FLVCR1: variants seen among roughly 807,000 people sequenced by gnomAD.
FLVCR1 encodes choline/ethanolamine transporter FLVCR1.
FLVCR1 carries 34 observed loss-of-function variants against 53.6 expected under a neutral mutation model. The ratio of observed to expected loss-of-function variants is 0.63; its 90% CI spans 0.48 to 0.84. The LOEUF is 0.84. FLVCR1 is among the 40% of genes least tolerant of loss of function. The pLI is 0.00. For synonymous variants in FLVCR1, 300 were observed against 286.3 expected (o/e 1.05, Z -0.48); for missense variants, 677 against 696.7 (o/e 0.97, Z 0.32).
intron 1 of FLVCR1, among the ~76,000 whole-genome samples, chr1:212,860,072 C>T (rs2102529511): frequency 6.6e-6 from 1 of 152,220 alleles, no homozygotes. Flanking sequence ...CACTTGAGGC[C>T]AGGAGTCTGA....
At chr1:212,865,615 T>C (rs1428717697) in intron 2 of FLVCR1, among the ~76,000 whole-genome samples, 3 of 150,908 alleles carry the variant, frequency 2.0e-5, no homozygotes, top group Non-Finnish European at 4.4e-5. Flanking sequence ...CCCGAGCAGC[T>C]GGGCTTACAG....
Position 212,862,946 on chromosome 1 carries a change from G to T in FLVCR1, c.739-779G>T, listed in dbSNP as rs1327677988. Among the ~76,000 whole-genome samples the T allele has an allele frequency of 2.6e-5, 4 of 152,150 alleles. No homozygotes were observed. In the East Asian group the frequency reaches 5.8e-4, roughly 22 times the overall value. On this transcript the variant is annotated intron_variant, in intron 1 of 9. Transcript: ENST00000366971. Reference sequence around the variant, plus strand: ...GTTTTCAAATGCTTATTGACCATTTGTATATCTTCTTTGGAGAAATGTCTA... The same window carrying T: ...GTTTTCAAATGCTTATTGACCATTTTTATATCTTCTTTGGAGAAATGTCTA...
chr1:212,860,749 A>T (rs1218194485), intron 1 of FLVCR1, among the ~76,000 whole-genome samples: 2 of 152,188 alleles, frequency 1.3e-5, no homozygotes, highest in South Asian at 4.1e-4. Flanking sequence ...ACACAGCTGT[A>T]TCACCAGCAT....
intron 2 of FLVCR1, among the ~76,000 whole-genome samples, chr1:212,864,973 A>G (rs1352838917): frequency 6.6e-6 from 1 of 152,300 alleles, no homozygotes; most frequent in East Asian, 1.9e-4. Flanking sequence ...GAAGTATTCA[A>G]ACATGTGTAA....
chr1:212,899,204 AAT>A lies in FLVCR1; in HGVS notation c.*3917_*3918del, dbSNP rs1665412877. The A allele has an allele frequency of 1.3e-5, 2 of 152,236 alleles. No individual in the cohort carries two copies. Among genetic ancestry groups the A allele is most frequent in the African/African-American group, 2.4e-5 (1 of 41,470 alleles). 9.4% of individuals were successfully genotyped at this position (152,236 alleles called of 1,614,324 possible). A position where few individuals can be genotyped will look rare whatever the true frequency, so the allele number is the denominator to read the frequency against. ...GAATGTTGGAGAGATGTCTTTAAAA[AAT>A]ATGTTTGTGTGTAAAAATGTGTCTG... On this transcript the variant is annotated 3_prime_UTR_variant, in exon 10 of 10. Coordinates refer to ENST00000366971, the MANE Select transcript of FLVCR1 (RefSeq NM_014053.4).
intron 3 of FLVCR1, 122 bp downstream of exon 3, chr1:212,872,940 T>C: frequency 1.1e-6 from 1 of 945,394 alleles, no homozygotes; most frequent in South Asian, 1.5e-5. Flanking sequence ...TACAGCATAA[T>C]CATGAACTTA....
chr1:212,883,736 A>G (rs11803450), intron 4 of FLVCR1, among the ~76,000 whole-genome samples: 66,780 of 152,070 alleles, frequency 0.44, 15,726 homozygotes, highest in East Asian at 0.54. Context: ...TGAAGAAAGC[A>G]GAAACAAGGA....
chr1:212,885,232 T>G, intron 4 of FLVCR1, 61 bp from the exon 5 acceptor site: 1 of 1,096,786 alleles, frequency 9.1e-7, no homozygotes, highest in Non-Finnish European at 1.4e-6. Flanking sequence ...TGTGGGAATG[T>G]GAAGAGTCTG....
intron 3 of FLVCR1, among the ~76,000 whole-genome samples, chr1:212,873,039 G>A (rs573470985): frequency 5.3e-5 from 8 of 152,140 alleles, no homozygotes; most frequent in Non-Finnish European, 1.0e-4. Flanking sequence ...AGGCATGATG[G>A]CTCATGCTGG....
At chr1:212,873,064 G>T (rs531098483) in intron 3 of FLVCR1, among the ~76,000 whole-genome samples, 19 of 152,254 alleles carry the variant, frequency 1.2e-4, no homozygotes, top group African/African-American at 4.3e-4. Context: ...CCCAGCACTT[G>T]AGTTGGCCGA....
chr1:212,864,833 C>A (rs1343248535), intron 2 of FLVCR1, among the ~76,000 whole-genome samples: 1 of 152,088 alleles, frequency 6.6e-6, no homozygotes, highest in Non-Finnish European at 1.5e-5. Flanking sequence ...GAAATGTATG[C>A]TGAAGATTCT....
chr1:212,863,331 C>T (rs1664302934), intron 1 of FLVCR1, among the ~76,000 whole-genome samples: 1 of 152,174 alleles, frequency 6.6e-6, no homozygotes, highest in African/African-American at 2.4e-5. Context: ...GTGGCTCACG[C>T]CTGTAATCCC....
chr1:212,858,893 C>G lies in FLVCR1; in HGVS notation c.441C>G (p.Asp147Glu). Residue 147 changes from aspartate to glutamate, a missense_variant, in exon 1 of 10, where the codon GAC becomes GAG. Physicochemically the swap from Asp to Glu is conservative, Grantham distance 45. Transcript: ENST00000366971. ...ACGGTGTCACCTTGCTGCACATCGA[C>G]TGGCTGTCCATGGTGTACATGCTGG... ...GFYGVTLLHI[D>E]WLSMVYMLAY... The G allele has an allele frequency of 1.2e-6, 2 of 1,614,260 alleles. No individual in the cohort carries two copies. The highest frequency in any genetic ancestry group is 2.2e-5 in the South Asian group (2 of 91,092).
chr1:212,895,002 T>A lies in FLVCR1; in HGVS notation c.1542T>A (p.Asp514Glu). The A allele has an allele frequency of 2.5e-6, 4 of 1,604,848 alleles. No homozygotes were observed. The highest frequency in any genetic ancestry group is 3.4e-6 in the Non-Finnish European group (4 of 1,171,652). ...GIILTALIKS[D>E]LRRHNINIGI... Reference sequence around the variant, plus strand: ...CTGTTTCAGCATTAATCAAGTCTGATCTGCGAAGACACAACATAAATATAG... The same window carrying A: ...CTGTTTCAGCATTAATCAAGTCTGAACTGCGAAGACACAACATAAATATAG... The change falls in exon 9 of 10, where the codon GAT becomes GAA. Residue 514 changes from aspartate (D) to glutamate (E), a missense_variant. Transcript: ENST00000366971.
At chr1:212,861,831 G>C (rs540778166) in intron 1 of FLVCR1, among the ~76,000 whole-genome samples, 18 of 151,906 alleles carry the variant, frequency 1.2e-4, no homozygotes, top group Middle Eastern at 3.4e-3. Flanking sequence ...CTCCACACCC[G>C]GCTAATTTTT....
chr1:212,858,983 C>T lies in FLVCR1; in HGVS notation c.531C>T (p.Ala177=), dbSNP rs1664130802. The T allele has an allele frequency of 6.2e-7, 1 of 1,613,852 alleles. No homozygotes were observed. The highest frequency in any genetic ancestry group is 8.5e-7 in the Non-Finnish European group (1 of 1,179,790). ...ACACCAGAGGCCTGCGGCTCACCGC[C>T]CTGCTGGGCTCCGGCCTCAACTGCC... ...LLDTRGLRLT[A]LLGSGLNCLG... Residue 177 remains alanine (A), a synonymous_variant, in exon 1 of 10, where the codon GCC becomes GCT. Transcript: ENST00000366971.
At chr1:212,878,408 A>C (rs935976924) in intron 3 of FLVCR1, among the ~76,000 whole-genome samples, 20 of 151,680 alleles carry the variant, frequency 1.3e-4, no homozygotes, top group Non-Finnish European at 2.8e-4. Flanking sequence ...AGGCTGAGGC[A>C]GGAGAATGGC....
rs369869680 is a variant in FLVCR1 at position 212,889,238 on chromosome 1, T to C, written c.1506T>C (p.Phe502=). 6.2e-7 allele frequency: 1 copy of C among 1,610,848 alleles called. No homozygotes were observed. The highest frequency in any genetic ancestry group is 1.3e-5 in the African/African-American group (1 of 74,850). The change falls in exon 8 of 10, where the codon TTT becomes TTC. Residue 502 remains phenylalanine (F), a synonymous_variant. Transcript: ENST00000366971. ...AGNIFLCVWM[F]IGIILTALIK... Reference sequence around the variant, plus strand: ...ACATTTTTCTCTGTGTCTGGATGTTTATAGGCATCATATTAACAGGTAAAT... The same window carrying C: ...ACATTTTTCTCTGTGTCTGGATGTTCATAGGCATCATATTAACAGGTAAAT...
rs752511404 is a variant in FLVCR1 at position 212,863,825 on chromosome 1, G to A, written c.839G>A (p.Gly280Glu). 6.2e-7 allele frequency: 1 copy of A among 1,613,568 alleles called. No homozygotes were observed. The highest frequency in any genetic ancestry group is 8.5e-7 in the Non-Finnish European group (1 of 1,179,654). Residue 280 changes from glycine (G) to glutamate (E), a missense_variant, in exon 2 of 10, where the codon GGA becomes GAA. Gly to Glu is a moderately conservative substitution (Grantham distance 98, BLOSUM62 -2). Coordinates refer to ENST00000366971, the MANE Select transcript of FLVCR1 (RefSeq NM_014053.4). ...TGTAATATCAGCACCATGTTTTATG[G>A]AACATCAGCTGTTGCCACACTTTTA... ...LACNISTMFYGTSAVATLLFI... is the reference protein window; with the variant it reads ...LACNISTMFYETSAVATLLFI...
Sources: allele counts gnomAD v4.1 joint callset (sites outside exome capture counted in the v4.1 genomes callset), GRCh38; gene constraint gnomAD v4.1.1; transcripts MANE v1.5; gene names NCBI Gene and HGNC (gene_info 2026-07-23, HGNC 2026-07-21).